Variants in EFCAB8 observed in about 807,000 individuals in gnomAD.
The protein encoded by EFCAB8 is EF-hand calcium-binding domain-containing protein 8.
EFCAB8 carries 100 observed loss-of-function variants against 116.3 expected under a neutral mutation model. That is an observed-to-expected ratio of 0.86 (90% confidence interval 0.73 to 1.02). The LOEUF (loss-of-function observed/expected upper bound fraction) is 1.02. Ranked by LOEUF, EFCAB8 falls within the 50% of genes least tolerant of loss-of-function variation. The pLI, the probability that EFCAB8 is intolerant of heterozygous loss-of-function variation, is 0.00. For missense variants in EFCAB8, 1,320 were observed against 1,416.9 expected (o/e 0.93, Z 1.10); for synonymous variants, 558 against 567.9 (o/e 0.98, Z 0.25).
chr20:32,878,924 A>G, intron 5 of EFCAB8, 117 bp downstream of exon 5: 1 of 818,710 alleles, frequency 1.2e-6, no homozygotes, highest in South Asian at 1.6e-5. Context: ...AGGGGCTGGC[A>G]TCAGCCTGCT....
At chr20:32,918,702 C>A in intron 19 of EFCAB8, 128 bp downstream of exon 19, 1 of 912,446 alleles carries the variant, frequency 1.1e-6, no homozygotes, top group Non-Finnish European at 1.7e-6. Flanking sequence ...CCTCAACTCA[C>A]TTGTTTTGAG....
intron 8 of EFCAB8, 73 bp downstream of exon 8, chr20:32,892,370 A>G: frequency 1.4e-6 from 2 of 1,454,226 alleles, no homozygotes; most frequent in Non-Finnish European, 1.9e-6. Flanking sequence ...ATCACTGACT[A>G]GGGTTGGGGC....
rs374203583 is a variant in EFCAB8, at chr20:32,907,011, C to T, written c.1308+17C>T. 1.0e-4 allele frequency: 148 copies of T among 1,487,072 alleles called. No individual in the cohort carries two copies. The highest frequency in any genetic ancestry group is 1.5e-4 in the East Asian group (6 of 40,392). The allele number at this position is 1,487,072 out of a possible 1,614,324, so 92.1% of individuals were successfully genotyped here. On this transcript the variant is annotated intron_variant, in intron 13 of 26. Transcript: ENST00000400522. ...AAGGACAAGGTCCGCCCCGACGGTC[C>T]GCCTGACTCCTTCTGTTCCTCAGGG...
At position 32,918,540 on chromosome 20, in the gene EFCAB8, G is replaced by GAGAC. The variant is rs1225533266; in HGVS notation, c.2242_2245dup (p.Lys749ArgfsTer37). 6.4e-5 allele frequency: 99 copies of GAGAC among 1,551,564 alleles called. No individual in the cohort carries two copies. Among genetic ancestry groups the GAGAC allele is most frequent in the Non-Finnish European group, 8.1e-5 (93 of 1,147,004 alleles). On this transcript the variant is annotated frameshift_variant, in exon 19 of 27. Transcript: ENST00000400522. LOFTEE classifies it high-confidence loss of function. ...GCTCCCCCAGTGATGCGGTGCCCGA[G>GAGAC]AGACAAGGAGCCAGACAGGCCTGTG...
chr20:32,961,435 C>T lies in EFCAB8; in HGVS notation c.3693C>T (p.Pro1231=), dbSNP rs1989148455. 3 of 1,456,958 alleles carry T rather than the reference C, an allele frequency of 2.1e-6. No individual in the cohort carries two copies. Among genetic ancestry groups the T allele is most frequent in the Non-Finnish European group, 1.8e-6 (2 of 1,102,824 alleles). The allele number at this position is 1,456,958 out of a possible 1,614,324, so 90.3% of individuals were successfully genotyped here. Residue 1231 remains proline, a synonymous_variant, in exon 27 of 27, where the codon CCC becomes CCT. Transcript: ENST00000400522. ...LTPQFSFLLR[P]QSASTAHSTP... The stretch of plus-strand genomic sequence containing the variant: ...CCCAGTTCTCCTTCTTGCTGCGGCC[C>T]CAGTCAGCCTCCACAGCCCATTCCA...
At chr20:32,899,288 C>A (rs1012688374) in intron 11 of EFCAB8, among the ~76,000 whole-genome samples, 15 of 150,566 alleles carry the variant, frequency 1.0e-4, no homozygotes, top group African/African-American at 3.7e-4. Flanking sequence ...ACCTGTAGTC[C>A]CAGCTACTCG....
intron 2 of EFCAB8, among the ~76,000 whole-genome samples, chr20:32,865,524 G>T (rs143021059): frequency 6.6e-6 from 1 of 151,968 alleles, no homozygotes; most frequent in South Asian, 2.1e-4. Flanking sequence ...GAAGCCAGGC[G>T]CAGTGGCCCA....
intron 11 of EFCAB8, among the ~76,000 whole-genome samples, chr20:32,899,423 A>G (rs550900753): frequency 9.5e-5 from 14 of 147,740 alleles, no homozygotes; most frequent in African/African-American, 3.2e-4. Context: ...AAAAAAAAAG[A>G]AAAACCAATT....
rs1187302306 is a variant in EFCAB8, at chr20:32,959,963, G to A, written c.3275G>A (p.Trp1092Ter). ...GACATTGAGGACAGCTGGAACAAGT[G>A]GGAGTCCAGGGACAAGCAGGTGAGG... ...LEDIEDSWNK[W>*]ESRDKQVSKV... is the part of the protein sequence containing the mutation. The change falls in exon 25 of 27, where the codon TGG becomes TAG. Residue 1092 changes from tryptophan (W) to a stop codon, truncating the protein, a stop_gained. Coordinates refer to ENST00000400522, the MANE Select transcript of EFCAB8 (RefSeq NM_001143967.2). LOFTEE classifies it high-confidence loss of function. 1.3e-6 allele frequency: 2 copies of A among 1,551,588 alleles called. No homozygotes were observed. The highest frequency in any genetic ancestry group is 2.4e-5 in the East Asian group (1 of 40,922).
chr20:32,935,192 C>CTTTTTTTTTTTTTTTTTTTTTTTTTTTTT lies in EFCAB8; in HGVS notation c.2790+3881_2790+3882insTTTTTTTTTTTTTTTTTTTTTTTTTTTTT, dbSNP rs753039647. 3.2e-4 allele frequency among the ~76,000 whole-genome samples: 11 copies of CTTTTTTTTTTTTTTTTTTTTTTTTTTTTT among 34,038 alleles called. 1 individual carries two copies. The highest frequency in any genetic ancestry group is 6.3e-4 in the East Asian group (1 of 1,576). The allele number at this position is 34,038 out of a possible 152,430, so 22.3% of individuals were successfully genotyped here. A position where few individuals can be genotyped will look rare whatever the true frequency, so the allele number is the denominator to read the frequency against. On this transcript the variant is annotated intron_variant, in intron 22 of 26. Coordinates refer to ENST00000400522, the MANE Select transcript of EFCAB8 (RefSeq NM_001143967.2). ...TTCTCTTTTCTTTCTTTCTTTCTTT[C>CTTTTTTTTTTTTTTTTTTTTTTTTTTTTT]TTTTTTTTTTTTTTTTTTTTTTTTT...
Position 32,959,950 on chromosome 20 carries a change from A to G in EFCAB8, c.3262A>G (p.Ser1088Gly). 1.3e-6 allele frequency: 2 copies of G among 1,551,702 alleles called. No homozygotes were observed. The highest frequency in any genetic ancestry group is 1.7e-6 in the Non-Finnish European group (2 of 1,146,980). The part of the protein sequence containing the change: ...GERPLEDIED[S>G]WNKWESRDKQ... ...GCGCCCCCTGGAAGACATTGAGGAC[A>G]GCTGGAACAAGTGGGAGTCCAGGGA... Residue 1088 changes from serine to glycine, a missense_variant, in exon 25 of 27, where the codon AGC becomes GGC. By Grantham distance (56) the Ser-to-Gly change is moderately conservative. Transcript: ENST00000400522.
At chr20:32,910,738 CTTTTTTT>C (rs34185318) in intron 15 of EFCAB8, among the ~76,000 whole-genome samples, 3 of 107,308 alleles carry the variant, frequency 2.8e-5, no homozygotes, top group Admixed American at 1.1e-4. Context: ...TCACTTGCTA[CTTTTTTT>C]TTTTTTTTTT....
At chr20:32,939,965 G>A (rs1330622079) in intron 22 of EFCAB8, among the ~76,000 whole-genome samples, 1 of 142,752 alleles carries the variant, frequency 7.0e-6, no homozygotes, top group Admixed American at 7.0e-5. Context: ...AAAGTGCTAC[G>A]ATTACAGGCA....
intron 9 of EFCAB8, among the ~76,000 whole-genome samples, chr20:32,895,987 A>G (rs1248220862): frequency 1.3e-5 from 2 of 152,174 alleles, no homozygotes; most frequent in East Asian, 1.9e-4. Flanking sequence ...TTTATGATGC[A>G]TGCCTGGAAC....
chr20:32,885,672 T>C, intron 6 of EFCAB8, 32 bp downstream of exon 6: 2 of 1,548,848 alleles, frequency 1.3e-6, no homozygotes, highest in Non-Finnish European at 1.7e-6. Flanking sequence ...GGTGCACACA[T>C]GGGTGATTGG....
At position 32,919,208 on chromosome 20, in the gene EFCAB8, G is replaced by T. The variant is rs532405963; in HGVS notation, c.2274+634G>T. On this transcript the variant is annotated intron_variant, in intron 19 of 26. Coordinates refer to ENST00000400522, the MANE Select transcript of EFCAB8 (RefSeq NM_001143967.2). ...AATCAGTGCAATAATCTCTTGTATGGGGCAGGAGGAACCAGTGAGATTGTT... is the reference window on the plus strand; with the variant it reads ...AATCAGTGCAATAATCTCTTGTATGTGGCAGGAGGAACCAGTGAGATTGTT... Among the ~76,000 whole-genome samples, 8 of 152,274 alleles carry T rather than the reference G, an allele frequency of 5.3e-5. No homozygotes were observed. In the South Asian group the frequency reaches 1.7e-3, roughly 32 times the overall value.
intron 1 of EFCAB8, among the ~76,000 whole-genome samples, chr20:32,861,511 ACTC>A (rs1984114156): frequency 6.6e-6 from 1 of 151,624 alleles, no homozygotes; most frequent in African/African-American, 2.4e-5. Flanking sequence ...CTGGTCTTGA[ACTC>A]CTGACATCAG....
At chr20:32,950,752 A>G (rs189214346) in intron 23 of EFCAB8, among the ~76,000 whole-genome samples, 1 of 152,144 alleles carries the variant, frequency 6.6e-6, no homozygotes, top group African/African-American at 2.4e-5. Context: ...AGCCCATTGT[A>G]TGAGGGTGAA....
At chr20:32,932,473 G>C (rs112549717) in intron 22 of EFCAB8, among the ~76,000 whole-genome samples, 2 of 152,160 alleles carry the variant, frequency 1.3e-5, no homozygotes, top group Non-Finnish European at 2.9e-5. Flanking sequence ...ACGTAAAAAG[G>C]CTTACAGCGA....
Sources: gnomAD v4.1 joint callset for allele counts (sites outside exome capture counted in the v4.1 genomes callset) on GRCh38, gnomAD v4.1.1 for gene constraint, MANE v1.5 for transcripts, NCBI Gene and HGNC (gene_info 2026-07-23, HGNC 2026-07-21) for gene names.